CEP104: variants seen among roughly 807,000 people sequenced by gnomAD.
CEP104 encodes the protein centrosomal protein of 104 kDa.
Under a neutral mutation model 113.3 loss-of-function variants are expected in CEP104, and 84 were observed. The observed-to-expected ratio is 0.74, with a 90% CI of 0.62 to 0.89. The LOEUF (loss-of-function observed/expected upper bound fraction) is 0.89, where lower values mean the gene tolerates loss of function less well. Among genes scored for constraint, CEP104 ranks in the 40% least tolerant of loss-of-function variants. The probability of loss-of-function intolerance (pLI) is 0.00; values close to 1 mark genes in which losing one functional copy is unlikely to be tolerated. For missense variants in CEP104, 1,053 were observed against 1,156.6 expected (o/e 0.91, Z 1.30); for synonymous variants, 378 against 421.7 (o/e 0.90, Z 1.27).
chr1:3,827,751 C>T (rs995875870), intron 15 of CEP104, among the ~76,000 whole-genome samples: 4 of 152,226 alleles, frequency 2.6e-5, no homozygotes, highest in African/African-American at 7.2e-5. Flanking sequence ...CTGTGTGGGG[C>T]GCAGGTCTGC....
chr1:3,839,129 A>G lies in CEP104; in HGVS notation c.736-10T>C. ...CAAGGCGTTCACCAACCTGAAGCAC[A>G]AAATATTTGCTTTTTCTTTCAAATT... is the stretch of plus-strand genomic sequence containing the variant. On this transcript the variant is annotated splice_polypyrimidine_tract_variant and intron_variant, in intron 7 of 21. Coordinates refer to ENST00000378230, the MANE Select transcript of CEP104 (RefSeq NM_014704.4). 6.2e-7 allele frequency: 1 copy of G among 1,613,172 alleles called. No homozygotes were observed. The highest frequency in any genetic ancestry group is 8.5e-7 in the Non-Finnish European group (1 of 1,179,256).
In CEP104 at chr1:3,823,025, C is replaced by G. The variant is rs1644009096; in HGVS notation, c.2571+149G>C. On this transcript the variant is annotated intron_variant, in intron 20 of 21. Coordinates refer to ENST00000378230, the MANE Select transcript of CEP104 (RefSeq NM_014704.4). This position sits in a 1 kb window ranked among gnomAD's most constrained non-coding sequence, Gnocchi z 4.1. ...TAGGTAAACGGAACGACTGCTCAGA[C>G]AGGGCTCACTAGACGCTGTCCCCTC... The G allele has an allele frequency of 1.4e-6, 1 of 693,808 alleles. No homozygotes were observed. The highest frequency in any genetic ancestry group is 1.8e-5 in the South Asian group (1 of 56,480). The allele number at this position is 693,808 out of a possible 1,614,324, so 43.0% of individuals were successfully genotyped here.
chr1:3,845,239 C>T, intron 5 of CEP104, 50 bp downstream of exon 5: 1 of 1,239,856 alleles, frequency 8.1e-7, no homozygotes, highest in East Asian at 2.3e-5. Context: ...TGACTCCCTC[C>T]CATTATAAAT....
At chr1:3,816,255 C>T (rs1468694928) in intron 21 of CEP104, 25 bp downstream of exon 21, 3 of 1,542,496 alleles carry the variant, frequency 1.9e-6, no homozygotes, top group South Asian at 2.4e-5. Flanking sequence ...GCAGACTACA[C>T]CTGCTCAGCG....
At chr1:3,821,929 G>A (rs1393092771) in intron 20 of CEP104, among the ~76,000 whole-genome samples, 1 of 152,212 alleles carries the variant, frequency 6.6e-6, no homozygotes, top group Non-Finnish European at 1.5e-5. Context: ...AGATGCTTCT[G>A]ACCTGATGAG....
intron 6 of CEP104, among the ~76,000 whole-genome samples, chr1:3,841,934 A>G (rs1273690618): frequency 1.3e-5 from 2 of 152,206 alleles, no homozygotes; most frequent in Non-Finnish European, 2.9e-5. Flanking sequence ...CTTTGTGGAG[A>G]GGCTGGCAGG....
At position 3,826,387 on chromosome 1, in the gene CEP104, A is replaced by G. The variant is rs2124648957; in HGVS notation, c.2238T>C (p.Asp746=). The part of the protein sequence containing the change: ...AAPAEALGIP[D]EHYLDNLCIF... The stretch of plus-strand genomic sequence containing the variant: ...CGACTTACTTATCTAGATAGTGCTC[A>G]TCCGGGATTCCCAGAGCTTCAGCAG... Residue 746 remains aspartate, a synonymous_variant, in exon 17 of 22, where the codon GAT becomes GAC. Transcript: ENST00000378230. 1 of 1,614,088 alleles carries G rather than the reference A, an allele frequency of 6.2e-7. No individual in the cohort carries two copies. Among genetic ancestry groups the G allele is most frequent in the East Asian group, 2.2e-5 (1 of 44,890 alleles).
At chr1:3,856,525 T>C (rs4648426) in intron 1 of CEP104, among the ~76,000 whole-genome samples, 49,754 of 152,192 alleles carry the variant, frequency 0.33, 9,065 homozygotes, top group African/African-American at 0.5. Flanking sequence ...GACAGAGCAA[T>C]TTTCCTCAAA....
At chr1:3,838,654 T>G (rs900495405) in intron 8 of CEP104, among the ~76,000 whole-genome samples, 3 of 152,112 alleles carry the variant, frequency 2.0e-5, no homozygotes, top group African/African-American at 7.2e-5. Flanking sequence ...TGGGGCAGGG[T>G]CATCACTGCC....
rs1181611947 is a variant in CEP104 at position 3,839,758 on chromosome 1, A to G, written c.585T>C (p.Ser195=). The change falls in exon 7 of 22, where the codon TCT becomes TCC. Residue 195 remains serine (S), a synonymous_variant. Coordinates refer to ENST00000378230, the MANE Select transcript of CEP104 (RefSeq NM_014704.4). ...GTYARKSDYI[S]PLDDLAFDMY... ...TATCAAAAGCTAAGTCATCTAGCGG[A>G]GAGATATAGTCAGATTTCCTAAAGG... The G allele has an allele frequency of 4.3e-6, 7 of 1,612,126 alleles. No individual in the cohort carries two copies. The highest frequency in any genetic ancestry group is 5.9e-6 in the Non-Finnish European group (7 of 1,179,510).
intron 18 of CEP104, among the ~76,000 whole-genome samples, chr1:3,825,446 G>A (rs1644071304): frequency 6.6e-6 from 1 of 152,124 alleles, no homozygotes. Context: ...CCAACATGAC[G>A]CCACATGGTT....
rs771614638 is a variant in CEP104, at chr1:3,836,672, A to C, written c.1140T>G (p.Asp380Glu). 2 of 1,613,590 alleles carry C rather than the reference A, an allele frequency of 1.2e-6. No homozygotes were observed. The highest frequency in any genetic ancestry group is 1.7e-5 in the Admixed American group (1 of 60,008). Reference sequence around the variant, plus strand: ...TACGAATAGCTGGAAGAGGCCGCTCATCGTAGGGCAGGGACTCTGCCTGCA... The same window carrying C: ...TACGAATAGCTGGAAGAGGCCGCTCCTCGTAGGGCAGGGACTCTGCCTGCA... ...PKINAESLPYDERPLPAIRKH... is the reference protein window; with the variant it reads ...PKINAESLPYEERPLPAIRKH... Residue 380 changes from aspartate to glutamate, a missense_variant, in exon 10 of 22, where the codon GAT becomes GAG. Transcript: ENST00000378230.
chr1:3,838,238 G>A lies in CEP104; in HGVS notation c.892-719C>T, dbSNP rs116020444. On this transcript the variant is annotated intron_variant, in intron 8 of 21. Coordinates refer to ENST00000378230, the MANE Select transcript of CEP104 (RefSeq NM_014704.4). ...TGCGATCGTAGCTCACTGCAGCCTC[G>A]AACTTCTGGGCCCAAGTGATCCTCC... is the stretch of plus-strand genomic sequence containing the variant. 7.4e-3 allele frequency among the ~76,000 whole-genome samples: 1,134 copies of A among 152,234 alleles called. 12 individuals carry two copies. The highest frequency in any genetic ancestry group is 0.026 in the African/African-American group (1,072 of 41,530).
intron 16 of CEP104, 117 bp downstream of exon 16, chr1:3,826,591 A>C: frequency 7.6e-7 from 1 of 1,314,410 alleles, no homozygotes; most frequent in Admixed American, 1.7e-5. Flanking sequence ...GCAGGCGTGC[A>C]GTGATACTTG....
chr1:3,836,860 T>A (rs1644324736), intron 9 of CEP104, 168 bp from the exon 10 acceptor site: 1 of 612,920 alleles, frequency 1.6e-6, no homozygotes, highest in Non-Finnish European at 2.8e-6. Flanking sequence ...ACAAATAGGA[T>A]GTAATTGAAA....
At chr1:3,827,632 G>T (rs1452650879) in intron 15 of CEP104, among the ~76,000 whole-genome samples, 1 of 152,222 alleles carries the variant, frequency 6.6e-6, no homozygotes, top group Non-Finnish European at 1.5e-5. Flanking sequence ...TGCCACCACA[G>T]TGTGCACTGA....
At position 3,852,291 on chromosome 1, in the gene CEP104, T is replaced by C. The variant is rs775644940; in HGVS notation, c.113+4A>G. On this transcript the variant is annotated splice_donor_region_variant and intron_variant, in intron 2 of 21. Coordinates refer to ENST00000378230, the MANE Select transcript of CEP104 (RefSeq NM_014704.4). ...GCCCAAGCCCCGCCCCGTCCAGTCC[T>C]CACCTAGGTGACCGCCACCCACTGA... 1 of 1,611,386 alleles carries C rather than the reference T, an allele frequency of 6.2e-7. No homozygotes were observed. Among genetic ancestry groups the C allele is most frequent in the East Asian group, 2.2e-5 (1 of 44,766 alleles).
rs1643810566 is a variant in CEP104, at chr1:3,812,368, A to C, written c.*3034T>G. On this transcript the variant is annotated 3_prime_UTR_variant, in exon 22 of 22. Transcript: ENST00000378230. ...AATAAATATTAAATATTCAGAACAT[A>C]CTCATGAGTGAAAATTCAATTAATT... 2 of 152,180 alleles carry C rather than the reference A, an allele frequency of 1.3e-5. No individual in the cohort carries two copies. Among genetic ancestry groups the C allele is most frequent in the Admixed American group, 1.3e-4 (2 of 15,278 alleles). 9.4% of individuals were successfully genotyped at this position (152,180 alleles called of 1,614,324 possible).
At chr1:3,845,695 T>C (rs1323161668) in intron 4 of CEP104, among the ~76,000 whole-genome samples, 3 of 152,234 alleles carry the variant, frequency 2.0e-5, no homozygotes, top group African/African-American at 7.2e-5. Context: ...AGCGTATTAA[T>C]TGTTAAAATG....
Sources: gnomAD v4.1 joint callset for allele counts (sites outside exome capture counted in the v4.1 genomes callset) on GRCh38, gnomAD v4.1.1 for gene constraint, Gnocchi (gnomAD v3.1) non-coding constraint, MANE v1.5 for transcripts, NCBI Gene and HGNC (gene_info 2026-07-23, HGNC 2026-07-21) for gene names.